Variants in RBFOX1 observed in about 807,000 individuals in gnomAD.
The protein encoded by RBFOX1 is RNA binding protein fox-1 homolog 1.
In RBFOX1, 8 loss-of-function variants were observed where a neutral mutation model predicts 57.7. The ratio of observed to expected loss-of-function variants is 0.14; its 90% CI spans 0.08 to 0.25. The LOEUF (loss-of-function observed/expected upper bound fraction) is 0.25. Ranked by LOEUF, RBFOX1 falls within the 10% of genes least tolerant of loss-of-function variation. The pLI, the probability that RBFOX1 is intolerant of heterozygous loss-of-function variation, is 1.00. For synonymous variants in RBFOX1, 326 were observed against 222.4 expected, an observed-to-expected ratio of 1.47 and a Z score of -4.15; for missense variants, 611 against 548.5, an observed-to-expected ratio of 1.11 and a Z score of -1.14.
At chr16:6,967,751 G>A (rs938883910) in intron 3 of RBFOX1, among the ~76,000 whole-genome samples, 27 of 152,188 alleles carry the variant, frequency 1.8e-4, no homozygotes, top group African/African-American at 4.3e-4. Flanking sequence ...CCATCTGCCC[G>A]TGCAGCTGTG....
chr16:6,827,684 C>G lies in RBFOX1; in HGVS notation c.-16+173034C>G, dbSNP rs148692999. Among the ~76,000 whole-genome samples the G allele has an allele frequency of 3.3e-3, 497 of 152,276 alleles. 3 individuals are homozygous for G. The highest frequency in any genetic ancestry group is 0.011 in the African/African-American group (474 of 41,572). ...CCTTTTGAGGTCTCTTCTGATCCTT[C>G]AGGGGCCAGCTTCTCTCCGTCCCAT... is the stretch of plus-strand genomic sequence containing the variant. On this transcript the variant is annotated intron_variant, in intron 3 of 15. Transcript: ENST00000550418.
chr16:7,648,404 T>C (rs2144257100), intron 11 of RBFOX1, among the ~76,000 whole-genome samples: 1 of 152,182 alleles, frequency 6.6e-6, no homozygotes, highest in Admixed American at 6.5e-5. Context: ...TTTGTATTTT[T>C]AGTAGAGACG....
intron 4 of RBFOX1, among the ~76,000 whole-genome samples, chr16:7,460,856 C>T (rs1354904126): frequency 1.3e-5 from 2 of 152,124 alleles, no homozygotes; most frequent in African/African-American, 4.8e-5. Flanking sequence ...TTTGATATGT[C>T]TTGGGCAGAG....
chr16:5,924,466 A>G (rs1020057690), intron 4 of RBFOX1, among the ~76,000 whole-genome samples: 11 of 152,044 alleles, frequency 7.2e-5, no homozygotes, highest in African/African-American at 2.2e-4. Flanking sequence ...TGAATTCTCT[A>G]TTCATTCCTT....
intron 2 of RBFOX1, among the ~76,000 whole-genome samples, chr16:6,465,756 G>T (rs370290354): frequency 6.6e-6 from 1 of 151,808 alleles, no homozygotes; most frequent in Admixed American, 6.6e-5. Flanking sequence ...GAGACCATGT[G>T]GTCCAAAATA....
intron 3 of RBFOX1, among the ~76,000 whole-genome samples, chr16:5,649,333 C>T (rs868380633): frequency 6.6e-6 from 1 of 151,984 alleles, no homozygotes; most frequent in African/African-American, 2.4e-5. Flanking sequence ...CTATGCCTGG[C>T]TAATTTTTAT....
chr16:7,622,525 A>C (rs995803719), intron 10 of RBFOX1, among the ~76,000 whole-genome samples: 5 of 152,222 alleles, frequency 3.3e-5, no homozygotes, highest in Non-Finnish European at 1.5e-5. Context: ...ATAGTCAAGG[A>C]ACAAATTCTT....
chr16:7,232,783 G>A (rs763705175), intron 4 of RBFOX1, among the ~76,000 whole-genome samples: 10 of 150,656 alleles, frequency 6.6e-5, no homozygotes, highest in Non-Finnish European at 1.3e-4. Context: ...GGAGGTTGCC[G>A]TGAGCTGAGA....
At chr16:6,991,559 T>A (rs538806966) in intron 3 of RBFOX1, among the ~76,000 whole-genome samples, 1 of 152,160 alleles carries the variant, frequency 6.6e-6, no homozygotes, top group African/African-American at 2.4e-5. Context: ...TGTTTTGAGA[T>A]GGGGTCCCAC....
chr16:7,431,667 A>G (rs145049467), intron 4 of RBFOX1, among the ~76,000 whole-genome samples: 1 of 152,286 alleles, frequency 6.6e-6, no homozygotes, highest in East Asian at 1.9e-4. Flanking sequence ...TATTACTTCA[A>G]AAGGAACCCC....
At chr16:6,526,127 T>A (rs2096574341) in intron 2 of RBFOX1, among the ~76,000 whole-genome samples, 1 of 152,178 alleles carries the variant, frequency 6.6e-6, no homozygotes, top group South Asian at 2.1e-4. Context: ...CATGGAATCT[T>A]TACTTGAAAT....
chr16:5,733,230 T>C (rs960059888), intron 3 of RBFOX1, among the ~76,000 whole-genome samples: 4 of 152,194 alleles, frequency 2.6e-5, no homozygotes, highest in African/African-American at 9.6e-5. Context: ...TAACACAGTT[T>C]CTAAACTTTC....
intron 1 of RBFOX1, among the ~76,000 whole-genome samples, chr16:5,380,441 C>T (rs2066103003): frequency 6.6e-6 from 1 of 152,196 alleles, no homozygotes; most frequent in Admixed American, 6.5e-5. Flanking sequence ...AAACTAAGGT[C>T]TGCTGTGATC....
intron 1 of RBFOX1, among the ~76,000 whole-genome samples, chr16:6,283,051 A>G (rs1305784319): frequency 6.6e-6 from 1 of 152,180 alleles, no homozygotes; most frequent in Admixed American, 6.5e-5. Flanking sequence ...ACGCAACCAA[A>G]CATGGTGGCC....
intron 13 of RBFOX1, among the ~76,000 whole-genome samples, chr16:7,670,379 A>C (rs1386428240): frequency 1.3e-5 from 2 of 152,196 alleles, no homozygotes; most frequent in Non-Finnish European, 2.9e-5. Context: ...TTTGTCCAAA[A>C]ATCTTCAGAC....
intron 3 of RBFOX1, among the ~76,000 whole-genome samples, chr16:6,678,293 T>G (rs2058079854): frequency 6.6e-6 from 1 of 152,028 alleles, no homozygotes; most frequent in Non-Finnish European, 1.5e-5. Context: ...CATGGCTAAT[T>G]TTTGTGTTTT....
At chr16:7,224,684 T>C (rs960187953) in intron 4 of RBFOX1, among the ~76,000 whole-genome samples, 1 of 152,230 alleles carries the variant, frequency 6.6e-6, no homozygotes, top group Non-Finnish European at 1.5e-5. Context: ...AAATAAGTGA[T>C]ATTTGGGGAG....
Position 6,019,393 on chromosome 16 carries a change from A to C in RBFOX1, c.-726A>C, listed in dbSNP as rs1424403035. 1.0e-6 allele frequency: 1 copy of C among 985,776 alleles called. No individual in the cohort carries two copies. The highest frequency in any genetic ancestry group is 1.7e-5 in the African/African-American group (1 of 57,204). The allele number at this position is 985,776 out of a possible 1,614,324, so 61.1% of individuals were successfully genotyped here. On this transcript the variant is annotated 5_prime_UTR_variant, in exon 1 of 16. Transcript: ENST00000550418. This position sits in a 1 kb window ranked among gnomAD's most constrained non-coding sequence, Gnocchi z 4.2. The stretch of plus-strand genomic sequence containing the variant: ...TGCGCTGCCCTGAAGTGGTTCTCCA[A>C]GCAGCGCGGAGGGTGGCGGACGGCG...
intron 2 of RBFOX1, among the ~76,000 whole-genome samples, chr16:6,427,101 CA>C (rs1567246416): frequency 6.6e-6 from 1 of 152,148 alleles, no homozygotes; most frequent in East Asian, 1.9e-4. Flanking sequence ...TAGAGTGACA[CA>C]GAAACCCGAT....
Sources: gnomAD v4.1 joint callset for allele counts (sites outside exome capture counted in the v4.1 genomes callset) on GRCh38, gnomAD v4.1.1 for gene constraint, Gnocchi (gnomAD v3.1) non-coding constraint, MANE v1.5 for transcripts, NCBI Gene and HGNC (gene_info 2026-07-23, HGNC 2026-07-21) for gene names.